The following KCNK4 variants were observed in gnomAD, a reference collection of about 807,000 sequenced individuals.
The protein encoded by KCNK4 is potassium two pore domain channel subfamily K member 4.
KCNK4 carries 22 observed loss-of-function variants against 28.8 expected under a neutral mutation model. The ratio of observed to expected loss-of-function variants is 0.76; its 90% CI spans 0.55 to 1.09. The LOEUF is 1.09. Among genes scored for constraint, KCNK4 ranks in the 50% least tolerant of loss-of-function variants. KCNK4 has a pLI of 0.00. For missense variants in KCNK4, 483 were observed against 546.3 expected, an observed-to-expected ratio of 0.88 and a Z score of 1.15; for synonymous variants, 263 against 252.9, an observed-to-expected ratio of 1.04 and a Z score of -0.38.
intron 1 of KCNK4, among the ~76,000 whole-genome samples, chr11:64,292,508 A>G (rs1472671755): frequency 6.6e-6 from 1 of 152,056 alleles, no homozygotes; most frequent in Non-Finnish European, 1.5e-5. Context: ...GGGACCCACC[A>G]TTCCCCTGTC....
chr11:64,294,178 G>A (rs879417939), intron 2 of KCNK4, among the ~76,000 whole-genome samples: 7 of 152,090 alleles, frequency 4.6e-5, no homozygotes, highest in East Asian at 1.9e-4. Context: ...GGGGGGGTGC[G>A]TCAGGGTTCC....
chr11:64,292,375 C>G (rs2034652714), intron 1 of KCNK4, among the ~76,000 whole-genome samples: 1 of 152,152 alleles, frequency 6.6e-6, no homozygotes, highest in African/African-American at 2.4e-5. Flanking sequence ...GGGACCCGCC[C>G]CTGGGTTCCT....
In KCNK4 at chr11:64,299,778, G is replaced by T. The variant is rs757990922; in HGVS notation, c.*52G>T. 9 of 1,537,396 alleles carry T rather than the reference G, an allele frequency of 5.9e-6. No individual in the cohort carries two copies. In the South Asian group the frequency reaches 8.3e-5, roughly 14 times the overall value. The stretch of plus-strand genomic sequence containing the variant: ...AAGGGCTTCGTTTCTGCTCTCCCCG[G>T]CATGCCTGGCTTGTTTGACCAAAGA... On this transcript the variant is annotated 3_prime_UTR_variant, in exon 7 of 7. Transcript: ENST00000422670.
intron 1 of KCNK4, chr11:64,292,159 G>A (rs1311739733): frequency 3.4e-5 from 32 of 937,230 alleles, no homozygotes; most frequent in Non-Finnish European, 4.1e-5. Context: ...TGCAGCCTCG[G>A]GATGGAGCGT....
intron 1 of KCNK4, chr11:64,292,038 G>A: frequency 8.7e-7 from 1 of 1,152,612 alleles, no homozygotes; most frequent in South Asian, 1.6e-5. Context: ...ACACGTGTGC[G>A]TGGGCTCTGG....
At chr11:64,297,919 T>C (rs536565997) in intron 5 of KCNK4, among the ~76,000 whole-genome samples, 191 bp from the exon 6 acceptor site, 1 of 152,320 alleles carries the variant, frequency 6.6e-6, no homozygotes, top group South Asian at 2.1e-4. Context: ...CCTTCTTGCA[T>C]GCTTTTATCT....
Position 64,299,046 on chromosome 11 carries a change from A to G in KCNK4, c.802-300A>G, listed in dbSNP as rs868561347. ...ACAGAGCTAGACTTGTCTCAAAAAA[A>G]GAAGAAAAAAAAAAAAAAAAAAAAA... On this transcript the variant is annotated intron_variant, in intron 6 of 6. Transcript: ENST00000422670. Among the ~76,000 whole-genome samples, 827 of 110,420 alleles carry G rather than the reference A, an allele frequency of 7.5e-3. 4 individuals carry two copies. Among genetic ancestry groups the G allele is most frequent in the African/African-American group, 0.025 (768 of 30,812 alleles). 72.4% of individuals were successfully genotyped at this position (110,420 alleles called of 152,430 possible). A position where few individuals can be genotyped will look rare whatever the true frequency, so the allele number is the denominator to read the frequency against.
chr11:64,292,925 C>A lies in KCNK4; in HGVS notation c.-77-17C>A. The A allele has an allele frequency of 6.9e-7, 1 of 1,450,420 alleles. No homozygotes were observed. Among genetic ancestry groups the A allele is most frequent in the Non-Finnish European group, 9.0e-7 (1 of 1,106,392 alleles). The allele number at this position is 1,450,420 out of a possible 1,614,324, so 89.8% of individuals were successfully genotyped here. A position where few individuals can be genotyped will look rare whatever the true frequency, so the allele number is the denominator to read the frequency against. On this transcript the variant is annotated splice_polypyrimidine_tract_variant and intron_variant, in intron 1 of 6. Coordinates refer to ENST00000422670, the MANE Select transcript of KCNK4 (RefSeq NM_033310.3). ...AGGCCAGCTCAGTGACCCCAGCATC[C>A]CTGGTTTTGCCCGCAGTGACGACAG... is the stretch of plus-strand genomic sequence containing the variant.
At position 64,297,618 on chromosome 11, in the gene KCNK4, C is replaced by G. The variant is rs577862635; in HGVS notation, c.626C>G (p.Thr209Arg). ...GAGGCCATCTACTTTGTCATAGTGA[C>G]GCTTACCACCGTGGGCTTTGGCGAC... ...KLEAIYFVIV[T>R]LTTVGFGDYV... The change falls in exon 5 of 7, where the codon ACG (threonine) becomes AGG (arginine). Residue 209 changes from threonine to arginine, a missense_variant. Coordinates refer to ENST00000422670, the MANE Select transcript of KCNK4 (RefSeq NM_033310.3). The G allele has an allele frequency of 1.2e-5, 19 of 1,613,240 alleles. No homozygotes were observed. The South Asian group carries it at 2.0e-4, about 17-fold the overall frequency.
At position 64,297,385 on chromosome 11, in the gene KCNK4, G is replaced by A. The variant is rs1042313780; in HGVS notation, c.475-82G>A. The stretch of plus-strand genomic sequence containing the variant: ...CCAAAGACCATAAGCCTCTCCCACA[G>A]GCTCCTGGGGGCGGGAGTGGGGAGT... On this transcript the variant is annotated intron_variant, in intron 4 of 6. Transcript: ENST00000422670. 4 of 1,577,522 alleles carry A rather than the reference G, an allele frequency of 2.5e-6. No homozygotes were observed. In the African/African-American group the frequency reaches 5.4e-5, roughly 21 times the overall value.
intron 6 of KCNK4, 80 bp downstream of exon 6, chr11:64,298,329 G>A: frequency 1.3e-6 from 2 of 1,558,742 alleles, no homozygotes; most frequent in African/African-American, 1.3e-5. Flanking sequence ...TGATCAGGCT[G>A]TCTCCTATCC....
chr11:64,297,247 C>G lies in KCNK4; in HGVS notation c.442C>G (p.His148Asp). Reference protein sequence around the residue: ...VGDRLGSSLRHGIGHIEAIFL... With the variant: ...VGDRLGSSLRDGIGHIEAIFL... ...GGACCGGCTGGGCTCCTCCCTGCGC[C>G]ATGGCATCGGTCACATTGAAGCCAT... The change falls in exon 4 of 7, where the codon CAT becomes GAT. Residue 148 changes from histidine to aspartate, a missense_variant. Coordinates refer to ENST00000422670, the MANE Select transcript of KCNK4 (RefSeq NM_033310.3). The G allele has an allele frequency of 6.2e-7, 1 of 1,613,706 alleles. No individual in the cohort carries two copies. Among genetic ancestry groups the G allele is most frequent in the Non-Finnish European group, 8.5e-7 (1 of 1,179,852 alleles).
chr11:64,297,397 C>T lies in KCNK4; in HGVS notation c.475-70C>T, dbSNP rs1397913373. ...AGCCTCTCCCACAGGCTCCTGGGGG[C>T]GGGAGTGGGGAGTATGGGAGTGGGG... On this transcript the variant is annotated intron_variant, in intron 4 of 6. Coordinates refer to ENST00000422670, the MANE Select transcript of KCNK4 (RefSeq NM_033310.3). 3.7e-5 allele frequency: 59 copies of T among 1,578,812 alleles called. 1 individual carries two copies. Among genetic ancestry groups the T allele is most frequent in the South Asian group, 2.0e-4 (17 of 86,414 alleles).
chr11:64,298,278 T>A, intron 6 of KCNK4, 29 bp downstream of exon 6: 1 of 1,609,168 alleles, frequency 6.2e-7, no homozygotes, highest in Non-Finnish European at 8.5e-7. Flanking sequence ...GCACTGTGCC[T>A]GCGCACTGTG....
At chr11:64,292,239 C>CCCGCTGTCTCGGACTGA (rs2135223845) in intron 1 of KCNK4, 1 of 312,022 alleles carries the variant, frequency 3.2e-6, no homozygotes, top group Admixed American at 6.5e-5. Context: ...GGCGCCGCCG[C>CCCGCTGTCTCGGACTGA]CCGCTGTCTC....
At chr11:64,295,345 G>A (rs1032996059) in intron 2 of KCNK4, among the ~76,000 whole-genome samples, 1 of 152,162 alleles carries the variant, frequency 6.6e-6, no homozygotes, top group African/African-American at 2.4e-5. Context: ...GGCGAGAGGG[G>A]TAGAGAGTAG....
chr11:64,299,782 G>T lies in KCNK4; in HGVS notation c.*56G>T, dbSNP rs1427397246. ...GCTTCGTTTCTGCTCTCCCCGGCAT[G>T]CCTGGCTTGTTTGACCAAAGAGCCC... On this transcript the variant is annotated 3_prime_UTR_variant, in exon 7 of 7. Coordinates refer to ENST00000422670, the MANE Select transcript of KCNK4 (RefSeq NM_033310.3). 1 of 1,536,914 alleles carries T rather than the reference G, an allele frequency of 6.5e-7. No individual in the cohort carries two copies. Among genetic ancestry groups the T allele is most frequent in the South Asian group, 1.2e-5 (1 of 84,278 alleles).
chr11:64,292,299 C>T (rs1244532951), intron 1 of KCNK4, among the ~76,000 whole-genome samples: 2 of 152,154 alleles, frequency 1.3e-5, no homozygotes, highest in Non-Finnish European at 2.9e-5. Context: ...CCTTTGCGGA[C>T]CCCCGCCCCG....
intron 5 of KCNK4, 99 bp from the exon 6 acceptor site, chr11:64,298,011 G>A: frequency 7.0e-7 from 1 of 1,421,654 alleles, no homozygotes; most frequent in Non-Finnish European, 9.6e-7. Flanking sequence ...CCCTAGGGAG[G>A]GCAGGTCCTC....
Sources: allele counts gnomAD v4.1 joint callset (sites outside exome capture counted in the v4.1 genomes callset), GRCh38; gene constraint gnomAD v4.1.1; transcripts MANE v1.5; gene names NCBI Gene and HGNC (gene_info 2026-07-23, HGNC 2026-07-21).